Variants in SREBF2 observed in about 807,000 individuals in gnomAD.
SREBF2 encodes sterol regulatory element-binding protein 2.
In SREBF2, 55 loss-of-function variants were observed where a neutral mutation model predicts 113.1. That is an observed-to-expected ratio of 0.49 (90% CI 0.39 to 0.61). The LOEUF is 0.61. SREBF2 is among the 20% of genes least tolerant of loss of function. The probability of loss-of-function intolerance (pLI) is 0.00; values close to 1 mark genes in which losing one functional copy is unlikely to be tolerated. For missense variants in SREBF2, 1,349 were observed against 1,487.4 expected, an observed-to-expected ratio of 0.91 and a Z score of 1.53; for synonymous variants, 593 against 605.7, an observed-to-expected ratio of 0.98 and a Z score of 0.31.
At chr22:41,835,757 A>C (rs2076768221) in intron 1 of SREBF2, among the ~76,000 whole-genome samples, 1 of 152,174 alleles carries the variant, frequency 6.6e-6, no homozygotes, top group African/African-American at 2.4e-5. Context: ...CTTCCCGAGT[A>C]GTTAGGACTA....
chr22:41,883,925 G>A (rs1025343884), intron 10 of SREBF2, among the ~76,000 whole-genome samples: 4 of 152,240 alleles, frequency 2.6e-5, no homozygotes, highest in African/African-American at 9.6e-5. Flanking sequence ...CACGAGAGCT[G>A]TGATGGGCCC....
chr22:41,892,539 A>T (rs372981186), intron 11 of SREBF2, among the ~76,000 whole-genome samples: 15 of 150,936 alleles, frequency 9.9e-5, no homozygotes, highest in African/African-American at 3.4e-4. Flanking sequence ...TCCCAGCTAC[A>T]CGGGAGGCTG....
intron 1 of SREBF2, among the ~76,000 whole-genome samples, chr22:41,837,556 T>TTA (rs1211121958): frequency 1.3e-5 from 1 of 75,420 alleles, no homozygotes; most frequent in African/African-American, 4.6e-5. Flanking sequence ...AGACTCTGTC[T>TTA]AAAAAAAAAA....
chr22:41,884,128 G>A (rs1410461363), intron 10 of SREBF2, among the ~76,000 whole-genome samples: 1 of 151,554 alleles, frequency 6.6e-6, no homozygotes. Context: ...GTATTGTGAA[G>A]GCGGGTTTTT....
intron 1 of SREBF2, among the ~76,000 whole-genome samples, chr22:41,846,962 G>A (rs773509159): frequency 4.6e-5 from 7 of 152,158 alleles, no homozygotes; most frequent in Non-Finnish European, 8.8e-5. Flanking sequence ...TGCCCTGTGC[G>A]GAGTTCCACA....
intron 14 of SREBF2, among the ~76,000 whole-genome samples, chr22:41,897,559 CCT>C (rs1166139854): frequency 3.3e-5 from 5 of 152,198 alleles, no homozygotes; most frequent in Non-Finnish European, 7.3e-5. Flanking sequence ...TTCATCTGGG[CCT>C]CTCTACCACT....
intron 10 of SREBF2, among the ~76,000 whole-genome samples, chr22:41,883,176 G>T (rs533490614): frequency 6.6e-6 from 1 of 152,204 alleles, no homozygotes; most frequent in Non-Finnish European, 1.5e-5. Context: ...GAGATGCTAA[G>T]TGTTGGAGGA....
chr22:41,901,798 A>G (rs2077467390), intron 16 of SREBF2, among the ~76,000 whole-genome samples: 1 of 152,232 alleles, frequency 6.6e-6, no homozygotes, highest in Non-Finnish European at 1.5e-5. Context: ...ACCAAACAGT[A>G]CAGGCTCAGT....
intron 1 of SREBF2, among the ~76,000 whole-genome samples, chr22:41,840,427 C>T (rs2076818378): frequency 6.9e-6 from 1 of 145,696 alleles, no homozygotes; most frequent in Admixed American, 7.5e-5. Flanking sequence ...CCCTTGGGGG[C>T]AATGTTGAAG....
At chr22:41,862,333 G>C (rs12167811) in intron 1 of SREBF2, among the ~76,000 whole-genome samples, 359 of 152,310 alleles carry the variant, frequency 2.4e-3, no homozygotes, top group African/African-American at 8.3e-3. Context: ...TTAGAGACCA[G>C]AACCCAGATA....
intron 1 of SREBF2, among the ~76,000 whole-genome samples, chr22:41,853,956 AC>A (rs1283463878): frequency 6.7e-6 from 1 of 149,860 alleles, no homozygotes; most frequent in East Asian, 2.0e-4. Context: ...AATGGCGTGA[AC>A]CCGGGAGGCG....
intron 3 of SREBF2, among the ~76,000 whole-genome samples, 168 bp from the exon 4 acceptor site, chr22:41,870,721 G>A (rs184347495): frequency 1.1e-4 from 16 of 151,078 alleles, no homozygotes; most frequent in African/African-American, 3.4e-4. Context: ...CAAAATAGCC[G>A]GCTTTTGAAA....
At position 41,877,838 on chromosome 22, in the gene SREBF2, A is replaced by G. The variant is rs78359171; in HGVS notation, c.1580-104A>G. 9.8e-3 allele frequency: 12,036 copies of G among 1,223,616 alleles called. 823 individuals are homozygous for G. The African/African-American group carries it at 0.16, about 16-fold the overall frequency. The allele number at this position is 1,223,616 out of a possible 1,614,324, so 75.8% of individuals were successfully genotyped here. A position where few individuals can be genotyped will look rare whatever the true frequency, so the allele number is the denominator to read the frequency against. ...GAATTATTTGCCCTTTCTTCTGAAAATGAGGTAGAAGACTCTTTCCTGTGA... is the reference window on the plus strand; with the variant it reads ...GAATTATTTGCCCTTTCTTCTGAAAGTGAGGTAGAAGACTCTTTCCTGTGA... On this transcript the variant is annotated intron_variant, in intron 8 of 18. Coordinates refer to ENST00000361204, the MANE Select transcript of SREBF2 (RefSeq NM_004599.4).
rs1196058095 is a variant in SREBF2 at position 41,905,961 on chromosome 22, C to G, written c.*301C>G. 4.9e-6 allele frequency: 3 copies of G among 612,106 alleles called. No individual in the cohort carries two copies. Among genetic ancestry groups the G allele is most frequent in the Non-Finnish European group, 3.1e-6 (1 of 327,322 alleles). The allele number at this position is 612,106 out of a possible 1,614,324, so 37.9% of individuals were successfully genotyped here. A position where few individuals can be genotyped will look rare whatever the true frequency, so the allele number is the denominator to read the frequency against. On this transcript the variant is annotated 3_prime_UTR_variant, in exon 19 of 19. Coordinates refer to ENST00000361204, the MANE Select transcript of SREBF2 (RefSeq NM_004599.4). ...TGCCAAGCCCCTGCCTCCAGCCTTC[C>G]TGAGTTTCTCTCTCCTGAACCCTAC...
At position 41,891,711 on chromosome 22, in the gene SREBF2, G is replaced by A. The variant is rs2077364564; in HGVS notation, c.2209-1406G>A. 2.6e-5 allele frequency among the ~76,000 whole-genome samples: 4 copies of A among 152,336 alleles called. No individual in the cohort carries two copies. The South Asian group carries it at 8.3e-4, about 32-fold the overall frequency. The stretch of plus-strand genomic sequence containing the variant: ...GCGAGGGCTGGGGTGTGGAAGCGAT[G>A]TCTGCGGGCCTCGGCCTGGCAGCCC... On this transcript the variant is annotated intron_variant, in intron 11 of 18. Coordinates refer to ENST00000361204, the MANE Select transcript of SREBF2 (RefSeq NM_004599.4).
intron 10 of SREBF2, among the ~76,000 whole-genome samples, chr22:41,884,171 T>C (rs1401385180): frequency 6.6e-6 from 1 of 152,208 alleles, no homozygotes; most frequent in Admixed American, 6.5e-5. Flanking sequence ...AGTCTCGCTC[T>C]GTTGCCCAGG....
At chr22:41,904,017 G>C (rs1381175899) in intron 17 of SREBF2, among the ~76,000 whole-genome samples, 2 of 152,234 alleles carry the variant, frequency 1.3e-5, no homozygotes, top group South Asian at 2.1e-4. Flanking sequence ...TCAGCTCTCT[G>C]GTCTGCTCAC....
intron 11 of SREBF2, among the ~76,000 whole-genome samples, chr22:41,889,406 C>T (rs1393546269): frequency 6.6e-6 from 1 of 152,144 alleles, no homozygotes; most frequent in Non-Finnish European, 1.5e-5. Context: ...GGATTATAGG[C>T]ATGCACCACC....
At chr22:41,839,164 T>C (rs1456832604) in intron 1 of SREBF2, among the ~76,000 whole-genome samples, 1 of 152,094 alleles carries the variant, frequency 6.6e-6, no homozygotes, top group Non-Finnish European at 1.5e-5. Flanking sequence ...TAAGATCCCA[T>C]TAAGACTTTG....
Sources: gnomAD v4.1 joint callset for allele counts (sites outside exome capture counted in the v4.1 genomes callset) on GRCh38, gnomAD v4.1.1 for gene constraint, MANE v1.5 for transcripts, NCBI Gene and HGNC (gene_info 2026-07-23, HGNC 2026-07-21) for gene names.